Variants in RGMB observed in about 807,000 individuals in gnomAD.
RGMB encodes the protein repulsive guidance molecule B.
A neutral mutation model predicts 26.9 loss-of-function variants in RGMB; 16 were observed. That is an observed-to-expected ratio of 0.60 (90% CI 0.40 to 0.90). RGMB has a LOEUF of 0.90. Among genes scored for constraint, RGMB ranks in the 40% least tolerant of loss-of-function variants. The pLI is 0.00. For missense variants in RGMB, 512 were observed against 573.3 expected, an observed-to-expected ratio of 0.89 and a Z score of 1.09; for synonymous variants, 225 against 229.3, an observed-to-expected ratio of 0.98 and a Z score of 0.17.
chr5:98,779,248 A>C (rs1746510728), intron 1 of RGMB, among the ~76,000 whole-genome samples: 1 of 152,124 alleles, frequency 6.6e-6, no homozygotes, highest in African/African-American at 2.4e-5. Context: ...CTTTTTCAAA[A>C]CCTATGAACA....
rs1332412660 is a variant in RGMB at position 98,794,863 on chromosome 5, T to C, written c.*1110T>C. Reference sequence around the variant, plus strand: ...ATGATCTTCATCACAGTCTTTGATATGTCTGCATGCAAAGTGGAACAGAGT... The same window carrying C: ...ATGATCTTCATCACAGTCTTTGATACGTCTGCATGCAAAGTGGAACAGAGT... On this transcript the variant is annotated 3_prime_UTR_variant, in exon 3 of 3. Transcript: ENST00000513185. The C allele has an allele frequency of 6.6e-6, 1 of 152,310 alleles. No individual in the cohort carries two copies. The highest frequency in any genetic ancestry group is 1.5e-5 in the Non-Finnish European group (1 of 68,096). 9.4% of individuals were successfully genotyped at this position (152,310 alleles called of 1,614,324 possible). A position where few individuals can be genotyped will look rare whatever the true frequency, so the allele number is the denominator to read the frequency against.
chr5:98,772,607 C>A (rs1364975794), upstream of RGMB: 1 of 152,204 alleles, frequency 6.6e-6, no homozygotes, highest in African/African-American at 2.4e-5. Flanking sequence ...AGATTAGATA[C>A]CACTTCACAC....
At chr5:98,787,410 C>A (rs1430047889) in intron 2 of RGMB, among the ~76,000 whole-genome samples, 1 of 152,226 alleles carries the variant, frequency 6.6e-6, no homozygotes, top group African/African-American at 2.4e-5. Flanking sequence ...CCACCTCTCT[C>A]TACCAGGAGA....
In RGMB at chr5:98,795,600, A is replaced by G. The variant is rs766694134; in HGVS notation, c.*1847A>G. ...CTTACTCATGGAGATTCAACTATAG[A>G]GAGTTGAAACCTAAACCCGCCTTCC... On this transcript the variant is annotated 3_prime_UTR_variant, in exon 3 of 3. Transcript: ENST00000513185. 3.3e-5 allele frequency: 5 copies of G among 152,180 alleles called. No individual in the cohort carries two copies. The highest frequency in any genetic ancestry group is 5.9e-5 in the Non-Finnish European group (4 of 68,040). The allele number at this position is 152,180 out of a possible 1,614,324, so 9.4% of individuals were successfully genotyped here.
intron 2 of RGMB, chr5:98,780,409 A>ATG (rs1746560295): frequency 4.2e-6 from 1 of 238,384 alleles, no homozygotes; most frequent in Non-Finnish European, 8.0e-6. Flanking sequence ...TTGAGTGCAT[A>ATG]TGTGTGTGAC....
rs746872239 is a variant in RGMB, at chr5:98,795,010, ACTCT to A, written c.*1265_*1268del. On this transcript the variant is annotated 3_prime_UTR_variant, in exon 3 of 3. Coordinates refer to ENST00000513185, the MANE Select transcript of RGMB (RefSeq NM_001366508.1). ...CTTCCCAGGTGGTCTGAAGTCAGGT[ACTCT>A]CTCTCTCAACACCTGTAGTTGAATA... The A allele has an allele frequency of 1.3e-5, 2 of 151,920 alleles. No individual in the cohort carries two copies. The highest frequency in any genetic ancestry group is 2.9e-5 in the Non-Finnish European group (2 of 67,996). 9.4% of individuals were successfully genotyped at this position (151,920 alleles called of 1,614,324 possible).
At position 98,793,779 on chromosome 5, in the gene RGMB, AT is replaced by A. The variant is rs1561449147; in HGVS notation, c.*32del. The A allele has an allele frequency of 1.3e-6, 2 of 1,487,958 alleles. No homozygotes were observed. Among genetic ancestry groups the A allele is most frequent in the African/African-American group, 2.9e-5 (2 of 70,146 alleles). The allele number at this position is 1,487,958 out of a possible 1,614,324, so 92.2% of individuals were successfully genotyped here. On this transcript the variant is annotated 3_prime_UTR_variant, in exon 3 of 3. Coordinates refer to ENST00000513185, the MANE Select transcript of RGMB (RefSeq NM_001366508.1). ...GGGTTGTCTTTTGTTTTGGTTTTTT[AT>A]TTTTTGTCTATAACAAAATTTTAAA... is the stretch of plus-strand genomic sequence containing the variant.
rs758375016 is a variant in RGMB at position 98,793,263 on chromosome 5, A to G, written c.824A>G (p.Tyr275Cys). ...CACTATGTGGAGATGCACGCCCGCT[A>G]TATAGGGACCACAGTGTTTGTGCGG... ...SGHYVEMHAR[Y>C]IGTTVFVRQV... Residue 275 changes from tyrosine (Y) to cysteine (C), a missense_variant, in exon 3 of 3, where the codon TAT becomes TGT. Transcript: ENST00000513185. 1.9e-6 allele frequency: 3 copies of G among 1,614,040 alleles called. No individual in the cohort carries two copies. Among genetic ancestry groups the G allele is most frequent in the East Asian group, 2.2e-5 (1 of 44,886 alleles).
rs1053451 is a variant in RGMB at position 98,796,348 on chromosome 5, A to C, written c.*2595A>C. 0.4 allele frequency: 37,228 copies of C among 93,138 alleles called. 9,325 individuals are homozygous for C. The highest frequency in any genetic ancestry group is 0.67 in the African/African-American group (15,989 of 23,754). The allele number at this position is 93,138 out of a possible 1,614,324, so 5.8% of individuals were successfully genotyped here. The stretch of plus-strand genomic sequence containing the variant: ...TATGCTTGGAAGCTCCCCCCCCCCC[A>C]ACAGTGTGTCGAGTCTTTGCAAAGA... On this transcript the variant is annotated 3_prime_UTR_variant, in exon 3 of 3. Transcript: ENST00000513185.
At position 98,779,739 on chromosome 5, in the gene RGMB, G is replaced by A; in HGVS notation, c.296G>A (p.Cys99Tyr). Residue 99 changes from cysteine (C) to tyrosine (Y), a missense_variant, in exon 2 of 3, where the codon TGC (cysteine) becomes TAC (tyrosine). Cys to Tyr is a radical substitution (Grantham distance 194, BLOSUM62 -2). Transcript: ENST00000513185. ...AGCTQRTSKA[C>Y]RGNLVYHSAV... is the part of the protein sequence containing the mutation. ...TGCACCCAGCGAACTTCAAAAGCCT[G>A]CCGTGGCAACCTGGTATACCATTCT... is the stretch of plus-strand genomic sequence containing the variant. 2 of 1,613,666 alleles carry A rather than the reference G, an allele frequency of 1.2e-6. No homozygotes were observed. Among genetic ancestry groups the A allele is most frequent in the Non-Finnish European group, 1.7e-6 (2 of 1,179,618 alleles).
intron 1 of RGMB, among the ~76,000 whole-genome samples, chr5:98,777,148 C>A (rs1432994791): frequency 6.6e-6 from 1 of 151,768 alleles, no homozygotes; most frequent in African/African-American, 2.4e-5. Context: ...GAAAAGGGAG[C>A]TGGGAATCTA....
intron 2 of RGMB, among the ~76,000 whole-genome samples, chr5:98,790,821 A>C (rs1330052144): frequency 2.0e-5 from 3 of 152,240 alleles, no homozygotes; most frequent in African/African-American, 2.4e-5. Flanking sequence ...GCCGTCATTG[A>C]AGAGTTTAAT....
At chr5:98,783,883 G>A (rs1264662577) in intron 2 of RGMB, among the ~76,000 whole-genome samples, 3 of 152,178 alleles carry the variant, frequency 2.0e-5, no homozygotes, top group African/African-American at 7.2e-5. Context: ...CAAGTAGTTT[G>A]AATGCCTTCA....
At chr5:98,770,237 C>G (rs1313565160), upstream of RGMB, 1 of 165,048 alleles carries the variant, frequency 6.1e-6, no homozygotes, top group Non-Finnish European at 1.3e-5. Flanking sequence ...GCAGTCAAGA[C>G]CGGCGGCTGC....
upstream of RGMB, chr5:98,772,744 G>A (rs1171095212): frequency 1.3e-5 from 2 of 152,158 alleles, no homozygotes; most frequent in East Asian, 1.9e-4. Context: ...CATAAAAGGA[G>A]AAAGTGAGCT....
intron 2 of RGMB, among the ~76,000 whole-genome samples, chr5:98,784,653 C>G (rs1239621733): frequency 2.0e-5 from 3 of 152,234 alleles, no homozygotes; most frequent in Admixed American, 1.3e-4. Flanking sequence ...AAGTATATCT[C>G]TGCATAAGGT....
chr5:98,770,431 C>T, upstream of RGMB: 1 of 409,408 alleles, frequency 2.4e-6, no homozygotes, highest in Non-Finnish European at 4.4e-6. Flanking sequence ...CTCCCAAATG[C>T]TTTTTGCACC....
chr5:98,788,692 G>T (rs1746835937), intron 2 of RGMB, among the ~76,000 whole-genome samples: 1 of 152,210 alleles, frequency 6.6e-6, no homozygotes, highest in African/African-American at 2.4e-5. Context: ...GGGTAGGGAG[G>T]AGTGGGACCA....
In RGMB at chr5:98,793,478, C is replaced by T. The variant is rs570710857; in HGVS notation, c.1039C>T (p.Pro347Ser). 2.5e-6 allele frequency: 4 copies of T among 1,613,340 alleles called. No individual in the cohort carries two copies. In the South Asian group the frequency reaches 4.4e-5, roughly 18 times the overall value. ...LPRTSLVQAW[P>S]GYTLETANTQ... ...TCGCACCTCCTTGGTGCAGGCCTGG[C>T]CTGGCTACACACTGGAGACTGCCAA... The change falls in exon 3 of 3, where the codon CCT (proline) becomes TCT (serine). Residue 347 changes from proline (P) to serine (S), a missense_variant. Transcript: ENST00000513185.
Sources: gnomAD v4.1 joint callset for allele counts (sites outside exome capture counted in the v4.1 genomes callset) on GRCh38, gnomAD v4.1.1 for gene constraint, MANE v1.5 for transcripts, NCBI Gene and HGNC (gene_info 2026-07-23, HGNC 2026-07-21) for gene names.